Variants in R3HDM4 observed in about 807,000 individuals in gnomAD.
R3HDM4 encodes the protein R3H domain-containing protein 4.
In R3HDM4, 30 loss-of-function variants were observed where a neutral mutation model predicts 31.3. The observed-to-expected ratio is 0.96, with a 90% confidence interval of 0.72 to 1.30. The LOEUF is 1.30. Among genes scored for constraint, R3HDM4 ranks in the 50% most tolerant of loss-of-function variants. The pLI, the probability that R3HDM4 is intolerant of heterozygous loss-of-function variation, is 0.00. For synonymous variants in R3HDM4, 196 were observed against 156.6 expected (o/e 1.25, Z -1.88); for missense variants, 444 against 366.1 (o/e 1.21, Z -1.74).
chr19:909,621 C>G (rs1309013988), intron 1 of R3HDM4, among the ~76,000 whole-genome samples: 1 of 151,592 alleles, frequency 6.6e-6, no homozygotes, highest in Non-Finnish European at 1.5e-5. Context: ...CATAGTGAAA[C>G]CCCGTCTCTA....
chr19:901,707 C>G (rs1472395235), intron 2 of R3HDM4, 161 bp from the exon 3 acceptor site: 1 of 1,030,030 alleles, frequency 9.7e-7, no homozygotes, highest in Non-Finnish European at 1.4e-6. Flanking sequence ...ACCTAGACCC[C>G]AGGTTCTGGA....
chr19:913,129 C>T lies in R3HDM4; in HGVS notation c.29G>A (p.Gly10Asp). MVALENPEC[G>D]PEAAEGTPGG... Reference sequence around the variant, plus strand: ...CGGGGTGCCCTCCGCCGCCTCCGGGCCGCACTCGGGGTTCTCCAGCGCGAC... The same window carrying T: ...CGGGGTGCCCTCCGCCGCCTCCGGGTCGCACTCGGGGTTCTCCAGCGCGAC... The change falls in exon 1 of 8, where the codon GGC becomes GAC. Residue 10 changes from glycine to aspartate, a missense_variant. By Grantham distance (94) the Gly-to-Asp change is moderately conservative. Transcript: ENST00000361574. This position sits in a 1 kb window ranked among gnomAD's most constrained non-coding sequence, Gnocchi z 5.0. The T allele has an allele frequency of 9.2e-7, 1 of 1,090,352 alleles. No homozygotes were observed. Among genetic ancestry groups the T allele is most frequent in the Non-Finnish European group, 1.1e-6 (1 of 896,972 alleles). 67.5% of individuals were successfully genotyped at this position (1,090,352 alleles called of 1,614,324 possible).
rs370595341 is a variant in R3HDM4, at chr19:901,565, T to G, written c.227-19A>C. The stretch of plus-strand genomic sequence containing the variant: ...TACTGGGCTAGGTGGAAACAGATGC[T>G]CTCTGGGCCGGGGTGGCATTTGGGG... On this transcript the variant is annotated intron_variant, in intron 2 of 7. Coordinates refer to ENST00000361574, the MANE Select transcript of R3HDM4 (RefSeq NM_138774.4). 8 of 1,591,130 alleles carry G rather than the reference T, an allele frequency of 5.0e-6. No individual in the cohort carries two copies. The highest frequency in any genetic ancestry group is 6.8e-6 in the Non-Finnish European group (8 of 1,171,818).
At chr19:900,548 T>C (rs2036815469) in intron 4 of R3HDM4, among the ~76,000 whole-genome samples, 1 of 136,676 alleles carries the variant, frequency 7.3e-6, no homozygotes, top group South Asian at 2.4e-4. Context: ...CATTGCCCTG[T>C]CCCCATCCAT....
intron 1 of R3HDM4, among the ~76,000 whole-genome samples, chr19:904,657 T>C (rs2036880629): frequency 6.6e-6 from 1 of 151,294 alleles, no homozygotes; most frequent in African/African-American, 2.4e-5. Context: ...AACATCACGG[T>C]CCCCGCTGCT....
intron 1 of R3HDM4, among the ~76,000 whole-genome samples, chr19:906,116 C>T (rs950342137): frequency 3.3e-5 from 5 of 152,132 alleles, no homozygotes; most frequent in Non-Finnish European, 7.4e-5. Flanking sequence ...CCTCTGCCTC[C>T]CAGGTTCAAG....
At position 900,043 on chromosome 19, in the gene R3HDM4, C is replaced by G; in HGVS notation, c.561+18G>C. On this transcript the variant is annotated intron_variant, in intron 5 of 7. Transcript: ENST00000361574. Reference sequence around the variant, plus strand: ...ACCAGGCAGGTAGAAAAGGGAGGCCCGGCAATCCCCCACTCACCATGGGGA... The same window carrying G: ...ACCAGGCAGGTAGAAAAGGGAGGCCGGGCAATCCCCCACTCACCATGGGGA... 8.7e-6 allele frequency: 14 copies of G among 1,610,508 alleles called. No individual in the cohort carries two copies. Among genetic ancestry groups the G allele is most frequent in the Non-Finnish European group, 1.2e-5 (14 of 1,178,076 alleles).
chr19:911,272 C>T (rs1283903726), intron 1 of R3HDM4, among the ~76,000 whole-genome samples: 1 of 152,112 alleles, frequency 6.6e-6, no homozygotes, highest in African/African-American at 2.4e-5. Context: ...GATGAAACCC[C>T]ATCTCTACTA....
chr19:908,547 C>T (rs573608426), intron 1 of R3HDM4, among the ~76,000 whole-genome samples: 2 of 151,768 alleles, frequency 1.3e-5, no homozygotes, highest in South Asian at 2.1e-4. Flanking sequence ...GAGATGAAGT[C>T]TGCAGTGAGC....
chr19:903,153 G>C (rs1259678638), intron 1 of R3HDM4, among the ~76,000 whole-genome samples: 2 of 151,978 alleles, frequency 1.3e-5, no homozygotes, highest in African/African-American at 2.4e-5. Context: ...CAAGAAACTT[G>C]ATTTTATCCA....
Position 899,507 on chromosome 19 carries a change from G to C in R3HDM4, c.648-12C>G. The C allele has an allele frequency of 6.2e-7, 1 of 1,613,564 alleles. No homozygotes were observed. Among genetic ancestry groups the C allele is most frequent in the Non-Finnish European group, 8.5e-7 (1 of 1,179,878 alleles). ...GAAGCCTCTCGAAGCTGTGGGGAAC[G>C]GGCAGTGAGCGCCGTGCAGGGGCTG... On this transcript the variant is annotated splice_polypyrimidine_tract_variant and intron_variant, in intron 6 of 7. Transcript: ENST00000361574. The surrounding 1 kb of genome is among the most constrained non-coding windows in gnomAD (Gnocchi z 6.8).
At chr19:905,959 G>A (rs544432563) in intron 1 of R3HDM4, among the ~76,000 whole-genome samples, 2 of 152,226 alleles carry the variant, frequency 1.3e-5, no homozygotes, top group South Asian at 2.1e-4. Flanking sequence ...AGGCTGCGGC[G>A]TTAGCAGGGC....
chr19:904,950 T>C (rs1470141078), intron 1 of R3HDM4, among the ~76,000 whole-genome samples: 3 of 152,226 alleles, frequency 2.0e-5, no homozygotes, highest in Admixed American at 1.3e-4. Context: ...CTCACACCTG[T>C]GTTCCCAGCA....
Position 907,549 on chromosome 19 carries a change from T to C in R3HDM4, c.72-5419A>G, listed in dbSNP as rs147676541. On this transcript the variant is annotated intron_variant, in intron 1 of 7. Transcript: ENST00000361574. The surrounding 1 kb of genome is among the most constrained non-coding windows in gnomAD (Gnocchi z 4.1). Reference sequence around the variant, plus strand: ...GATCTGAGGCTTGGAGAGGTGGGGCTGTCCCCCGTCACCACCCAGACAATG... The same window carrying C: ...GATCTGAGGCTTGGAGAGGTGGGGCCGTCCCCCGTCACCACCCAGACAATG... Among the ~76,000 whole-genome samples the C allele has an allele frequency of 3.0e-4, 46 of 152,138 alleles. 1 individual carries two copies. The highest frequency in any genetic ancestry group is 1.1e-3 in the African/African-American group (44 of 41,502).
chr19:908,225 A>C (rs947432721), intron 1 of R3HDM4, among the ~76,000 whole-genome samples: 4 of 151,814 alleles, frequency 2.6e-5, no homozygotes, highest in African/African-American at 9.7e-5. Flanking sequence ...AAAACAAAAA[A>C]ACATCTGGCC....
chr19:898,423 G>T (rs1354716185), intron 7 of R3HDM4, among the ~76,000 whole-genome samples: 2 of 93,768 alleles, frequency 2.1e-5, no homozygotes, highest in Non-Finnish European at 2.2e-5. Context: ...AAAAAAAAAA[G>T]AAACCCGTCT....
intron 1 of R3HDM4, among the ~76,000 whole-genome samples, chr19:902,980 C>T (rs769058324): frequency 3.3e-5 from 5 of 152,060 alleles, no homozygotes; most frequent in Admixed American, 6.6e-5. Context: ...ATTAGTAAAC[C>T]GAGGCTCAGA....
At chr19:908,980 G>C (rs1426972469) in intron 1 of R3HDM4, among the ~76,000 whole-genome samples, 1 of 152,220 alleles carries the variant, frequency 6.6e-6, no homozygotes, top group Non-Finnish European at 1.5e-5. Flanking sequence ...CTAAACTTCT[G>C]TTGACACACC....
chr19:903,977 G>T (rs1283988350), intron 1 of R3HDM4, among the ~76,000 whole-genome samples: 1 of 151,964 alleles, frequency 6.6e-6, no homozygotes, highest in African/African-American at 2.4e-5. Flanking sequence ...TGTGAACCGG[G>T]GAGGCAGAGC....
Sources: gnomAD v4.1 joint callset for allele counts (sites outside exome capture counted in the v4.1 genomes callset) on GRCh38, gnomAD v4.1.1 for gene constraint, Gnocchi (gnomAD v3.1) non-coding constraint, MANE v1.5 for transcripts, NCBI Gene and HGNC (gene_info 2026-07-23, HGNC 2026-07-21) for gene names.